The following VPS13D variants were observed in gnomAD, a reference collection of about 807,000 sequenced individuals.
VPS13D encodes the protein intermembrane lipid transfer protein VPS13D.
VPS13D carries 187 observed loss-of-function variants against 461.9 expected under a neutral mutation model. The observed-to-expected ratio is 0.40, with a 90% CI of 0.36 to 0.46. VPS13D has a LOEUF of 0.46. Among genes scored for constraint, VPS13D ranks in the 20% least tolerant of loss-of-function variants. The pLI, the probability that VPS13D is intolerant of heterozygous loss-of-function variation, is 0.60. For missense variants in VPS13D, 4,711 were observed against 5,364.9 expected (o/e 0.88, Z 3.81); for synonymous variants, 1,951 against 1,986.3 (o/e 0.98, Z 0.47).
At chr1:12,452,667 G>A (rs1645277427) in intron 65 of VPS13D, among the ~76,000 whole-genome samples, 1 of 152,252 alleles carries the variant, frequency 6.6e-6, no homozygotes, top group Non-Finnish European at 1.5e-5. Flanking sequence ...AGAGTGCAGT[G>A]AACTGGCCCA....
At chr1:12,396,896 T>G (rs1424974082) in intron 60 of VPS13D, among the ~76,000 whole-genome samples, 2 of 152,242 alleles carry the variant, frequency 1.3e-5, no homozygotes, top group Non-Finnish European at 2.9e-5. Context: ...TTAGTTTCCT[T>G]AACTTTATTC....
At chr1:12,477,795 T>A (rs911553372) in intron 67 of VPS13D, among the ~76,000 whole-genome samples, 9 of 151,130 alleles carry the variant, frequency 6.0e-5, no homozygotes, top group South Asian at 2.1e-4. Flanking sequence ...GAAAAATAAA[T>A]TTTTTTTTTC....
intron 68 of VPS13D, among the ~76,000 whole-genome samples, chr1:12,506,293 A>C (rs912727856): frequency 1.3e-5 from 2 of 152,230 alleles, no homozygotes; most frequent in African/African-American, 4.8e-5. Flanking sequence ...AGAAGTTTCC[A>C]AAAGGAAGAT....
At chr1:12,487,833 T>G (rs1645819856) in intron 67 of VPS13D, among the ~76,000 whole-genome samples, 1 of 152,210 alleles carries the variant, frequency 6.6e-6, no homozygotes, top group Non-Finnish European at 1.5e-5. Context: ...CAAACTTCAT[T>G]TGCAGAAAGT....
chr1:12,247,703 ATTTTT>A (rs778720883), intron 5 of VPS13D, among the ~76,000 whole-genome samples: 3 of 131,324 alleles, frequency 2.3e-5, no homozygotes, highest in African/African-American at 2.8e-5. Flanking sequence ...CTTTGCCACA[ATTTTT>A]TTTTTTTTTT....
chr1:12,448,656 T>C (rs953026522), intron 65 of VPS13D, among the ~76,000 whole-genome samples: 2 of 152,180 alleles, frequency 1.3e-5, no homozygotes, highest in Admixed American at 1.3e-4. Context: ...AGAAAAACTA[T>C]AGGGAAAATA....
At chr1:12,497,377 A>C in intron 67 of VPS13D, 123 bp from the exon 68 acceptor site, 1 of 1,212,222 alleles carries the variant, frequency 8.2e-7, no homozygotes, top group South Asian at 1.6e-5. Flanking sequence ...ACTGTAGGTT[A>C]ATTCTGTTCA....
chr1:12,342,150 A>G (rs1233353897), intron 41 of VPS13D, among the ~76,000 whole-genome samples: 1 of 152,198 alleles, frequency 6.6e-6, no homozygotes, highest in Non-Finnish European at 1.5e-5. Context: ...GTGAGCAGGA[A>G]GTATGAAAAA....
In VPS13D at chr1:12,319,644, G is replaced by A. The variant is rs1355598637; in HGVS notation, c.7548+14G>A. The A allele has an allele frequency of 1.2e-6, 2 of 1,614,212 alleles. No homozygotes were observed. Among genetic ancestry groups the A allele is most frequent in the African/African-American group, 1.3e-5 (1 of 75,062 alleles). Reference sequence around the variant, plus strand: ...TTTGGCATTGAGGTAAGAAGTCTATGTGTTGATCACAGCACTGCGTGTTGG... The same window carrying A: ...TTTGGCATTGAGGTAAGAAGTCTATATGTTGATCACAGCACTGCGTGTTGG... On this transcript the variant is annotated intron_variant, in intron 32 of 69. Coordinates refer to ENST00000620676, the MANE Select transcript of VPS13D (RefSeq NM_015378.4).
intron 49 of VPS13D, among the ~76,000 whole-genome samples, chr1:12,357,888 C>T (rs1643900306): frequency 6.6e-6 from 1 of 151,922 alleles, no homozygotes; most frequent in Non-Finnish European, 1.5e-5. Context: ...CCTGTAGTCC[C>T]AGCTACTTGG....
chr1:12,436,945 C>T (rs906612402), intron 65 of VPS13D, among the ~76,000 whole-genome samples: 9 of 152,106 alleles, frequency 5.9e-5, no homozygotes, highest in African/African-American at 1.9e-4. Context: ...TGGGATTACA[C>T]GCGTGAGCCA....
rs1263117708 is a variant in VPS13D, at chr1:12,358,611, A to G, written c.10141+10A>G. 15 of 1,613,608 alleles carry G rather than the reference A, an allele frequency of 9.3e-6. No homozygotes were observed. Among genetic ancestry groups the G allele is most frequent in the Non-Finnish European group, 1.3e-5 (15 of 1,179,728 alleles). ...CTGATCTATAACATTGGTGGGTTAC[A>G]TTTGGGGCAGCGGGACAATCAGAAC... On this transcript the variant is annotated intron_variant, in intron 50 of 69. Transcript: ENST00000620676.
intron 2 of VPS13D, among the ~76,000 whole-genome samples, chr1:12,236,948 T>C (rs1324770459): frequency 1.3e-5 from 2 of 152,174 alleles, no homozygotes; most frequent in Non-Finnish European, 2.9e-5. Context: ...AGCTTAGAGC[T>C]GTTCTTGGCA....
chr1:12,305,118 C>T, intron 26 of VPS13D, among the ~76,000 whole-genome samples: 1 of 152,148 alleles, frequency 6.6e-6, no homozygotes, highest in East Asian at 1.9e-4. Flanking sequence ...TAAAAGAACA[C>T]ATTAAAAAAT....
intron 63 of VPS13D, chr1:12,409,761 C>A: frequency 2.4e-6 from 1 of 414,484 alleles, no homozygotes. Context: ...CAGACCCAGG[C>A]TAGTTGAGAA....
At chr1:12,374,616 ACCT>A in intron 55 of VPS13D, among the ~76,000 whole-genome samples, 1 of 150,614 alleles carries the variant, frequency 6.6e-6, no homozygotes, top group East Asian at 2.0e-4. Flanking sequence ...GACTACATAA[ACCT>A]CCTATTTGTC....
At chr1:12,478,453 A>G (rs1645665136) in intron 67 of VPS13D, 1 of 187,986 alleles carries the variant, frequency 5.3e-6, no homozygotes, top group East Asian at 1.3e-4. Flanking sequence ...CCATATCATT[A>G]AGGCGTGTAA....
At position 12,374,594 on chromosome 1, in the gene VPS13D, G is replaced by A. The variant is rs933117274; in HGVS notation, c.10917+736G>A. Among the ~76,000 whole-genome samples the A allele has an allele frequency of 4.6e-5, 7 of 152,082 alleles. No homozygotes were observed. In the East Asian group the frequency reaches 7.7e-4, roughly 17 times the overall value. ...TTATAATCAGTCAAGATTTTGTGGC[G>A]TGGTACGTTGAGACTACATAAACCT... On this transcript the variant is annotated intron_variant, in intron 55 of 69. Coordinates refer to ENST00000620676, the MANE Select transcript of VPS13D (RefSeq NM_015378.4).
At chr1:12,295,629 A>G (rs892868806) in intron 24 of VPS13D, among the ~76,000 whole-genome samples, 5 of 152,238 alleles carry the variant, frequency 3.3e-5, no homozygotes, top group African/African-American at 9.6e-5. Context: ...CTCATGGAAT[A>G]TATAACCTTT....
Sources: gnomAD v4.1 joint callset for allele counts (sites outside exome capture counted in the v4.1 genomes callset) on GRCh38, gnomAD v4.1.1 for gene constraint, MANE v1.5 for transcripts, NCBI Gene and HGNC (gene_info 2026-07-23, HGNC 2026-07-21) for gene names.